Variants in DPP9 observed in about 807,000 individuals in gnomAD.
DPP9 encodes the protein dipeptidyl peptidase IV-related protein-2.
In DPP9, 50 loss-of-function variants were observed where a neutral mutation model predicts 110.7. The ratio of observed to expected loss-of-function variants is 0.45; its 90% confidence interval spans 0.36 to 0.57. The LOEUF is 0.57. Ranked by LOEUF, DPP9 falls within the 20% of genes least tolerant of loss-of-function variation. The pLI, the probability that DPP9 is intolerant of heterozygous loss-of-function variation, is 0.00. For missense variants in DPP9, 1,022 were observed against 1,217.9 expected (o/e 0.84, Z 2.39); for synonymous variants, 561 against 514.4 (o/e 1.09, Z -1.23).
At chr19:4,720,342 T>A (rs2093265140) in intron 2 of DPP9, among the ~76,000 whole-genome samples, 1 of 152,140 alleles carries the variant, frequency 6.6e-6, no homozygotes, top group Admixed American at 6.6e-5. Context: ...CACACTTGCC[T>A]CCTTCTTGTC....
At chr19:4,720,732 A>G (rs576634849) in intron 2 of DPP9, among the ~76,000 whole-genome samples, 1 of 152,328 alleles carries the variant, frequency 6.6e-6, no homozygotes, top group African/African-American at 2.4e-5. Flanking sequence ...AGCACCCCAC[A>G]GTGCCCAGGA....
intron 8 of DPP9, 101 bp downstream of exon 8, chr19:4,702,502 G>A: frequency 1.2e-6 from 1 of 858,990 alleles, no homozygotes; most frequent in Non-Finnish European, 1.9e-6. Context: ...GACTGTGGAG[G>A]TGGTTTGAGG....
chr19:4,690,950 A>G lies in DPP9; in HGVS notation c.1524T>C (p.Phe508=). 6.2e-7 allele frequency: 1 copy of G among 1,612,672 alleles called. No homozygotes were observed. ...SEPFSPGEDE[F]KCPIKEEIAL... is the part of the protein sequence containing the mutation. Reference sequence around the variant, plus strand: ...CAATCTCTTCCTTAATGGGGCACTTAAATTCATCTGGAAAGAAAGAAAGAA... The same window carrying G: ...CAATCTCTTCCTTAATGGGGCACTTGAATTCATCTGGAAAGAAAGAAAGAA... Residue 508 remains phenylalanine, a synonymous_variant, in exon 14 of 22, where the codon TTT becomes TTC. Transcript: ENST00000262960.
rs2092969385 is a variant in DPP9 at position 4,714,220 on chromosome 19, G to A, written c.174C>T (p.His58=). The A allele has an allele frequency of 1.2e-6, 2 of 1,604,050 alleles. No individual in the cohort carries two copies. The highest frequency in any genetic ancestry group is 1.1e-5 in the South Asian group (1 of 89,624). Residue 58 remains histidine, a synonymous_variant, in exon 4 of 22, where the codon CAC becomes CAT. Transcript: ENST00000262960. ...DPAARFQVQK[H]SWDGLRSIIH... The stretch of plus-strand genomic sequence containing the variant: ...TGATGCTCCGGAGCCCGTCCCACGA[G>A]TGCTTCTGCACCTGGAAGCGGGCGG...
chr19:4,676,026 G>A lies in DPP9; in HGVS notation c.*538C>T, dbSNP rs1452970467. The A allele has an allele frequency of 6.5e-6, 1 of 153,554 alleles. No individual in the cohort carries two copies. The highest frequency in any genetic ancestry group is 1.4e-5 in the Non-Finnish European group (1 of 68,980). 9.5% of individuals were successfully genotyped at this position (153,554 alleles called of 1,614,324 possible). A position where few individuals can be genotyped will look rare whatever the true frequency, so the allele number is the denominator to read the frequency against. On this transcript the variant is annotated 3_prime_UTR_variant, in exon 22 of 22. Coordinates refer to ENST00000262960, the MANE Select transcript of DPP9 (RefSeq NM_139159.5). This position sits in a 1 kb window ranked among gnomAD's most constrained non-coding sequence, Gnocchi z 4.0. Reference sequence around the variant, plus strand: ...AACCTCAGGTGATCCGCCCGCCTCAGCCTCCCAAAGTGCTGGGATTACAGA... The same window carrying A: ...AACCTCAGGTGATCCGCCCGCCTCAACCTCCCAAAGTGCTGGGATTACAGA...
At chr19:4,720,008 C>T in intron 2 of DPP9, 67 bp from the exon 3 acceptor site, 2 of 1,260,538 alleles carry the variant, frequency 1.6e-6, no homozygotes, top group Non-Finnish European at 1.1e-6. Flanking sequence ...GGCGCTCCTG[C>T]CCCCTTCGCC....
rs1436726283 is a variant in DPP9, at chr19:4,682,123, C to T, written c.2474+573G>A. ...TCAGCCTCCCAGAGTGCTGGGATTA[C>T]AGGAGTGAGCCACCGCGCCCGGCCC... On this transcript the variant is annotated intron_variant, in intron 20 of 21. Coordinates refer to ENST00000262960, the MANE Select transcript of DPP9 (RefSeq NM_139159.5). The surrounding 1 kb of genome is among the most constrained non-coding windows in gnomAD (Gnocchi z 7.1). Among the ~76,000 whole-genome samples the T allele has an allele frequency of 1.3e-5, 2 of 152,174 alleles. No individual in the cohort carries two copies. Among genetic ancestry groups the T allele is most frequent in the East Asian group, 3.9e-4 (2 of 5,194 alleles).
At chr19:4,720,873 T>C (rs977436420) in intron 2 of DPP9, among the ~76,000 whole-genome samples, 1 of 152,200 alleles carries the variant, frequency 6.6e-6, no homozygotes, top group African/African-American at 2.4e-5. Flanking sequence ...AAACTTCCCA[T>C]GGAACAAGCA....
At chr19:4,680,154 T>A (rs1225107362) in intron 20 of DPP9, among the ~76,000 whole-genome samples, 1 of 151,392 alleles carries the variant, frequency 6.6e-6, no homozygotes, top group Non-Finnish European at 1.5e-5. Context: ...GGAGAACTGC[T>A]TGAGCCTCAG....
chr19:4,716,719 C>A (rs1331826353), intron 3 of DPP9, among the ~76,000 whole-genome samples: 2 of 152,080 alleles, frequency 1.3e-5, no homozygotes, highest in Non-Finnish European at 2.9e-5. Flanking sequence ...CTTGTGACAG[C>A]CCATTCTACA....
Position 4,685,428 on chromosome 19 carries a change from G to A in DPP9, c.2031+198C>T, listed in dbSNP as rs1466680629. 2.9e-6 allele frequency: 2 copies of A among 678,908 alleles called. No individual in the cohort carries two copies. Among genetic ancestry groups the A allele is most frequent in the Non-Finnish European group, 5.3e-6 (2 of 375,368 alleles). The allele number at this position is 678,908 out of a possible 1,614,324, so 42.1% of individuals were successfully genotyped here. A position where few individuals can be genotyped will look rare whatever the true frequency, so the allele number is the denominator to read the frequency against. ...GCCATCCAGGAAGGGCGGGGAGCGT[G>A]CAAACGGGCACAGAGAAAGGAGGGT... On this transcript the variant is annotated intron_variant, in intron 17 of 21. Transcript: ENST00000262960. The surrounding 1 kb of genome is among the most constrained non-coding windows in gnomAD (Gnocchi z 5.8).
Position 4,695,672 on chromosome 19 carries a change from G to A in DPP9, c.1176-117C>T, listed in dbSNP as rs918143731. 6 of 894,004 alleles carry A rather than the reference G, an allele frequency of 6.7e-6. No individual in the cohort carries two copies. The highest frequency in any genetic ancestry group is 9.4e-6 in the Non-Finnish European group (6 of 635,538). 55.4% of individuals were successfully genotyped at this position (894,004 alleles called of 1,614,324 possible). On this transcript the variant is annotated intron_variant, in intron 11 of 21. Transcript: ENST00000262960. This position sits in a 1 kb window ranked among gnomAD's most constrained non-coding sequence, Gnocchi z 4.7. Reference sequence around the variant, plus strand: ...GTGGAATCAGGGCTGGGCTTCCTGCGCTGGCTTCACCTGCACTTGGCCAAG... The same window carrying A: ...GTGGAATCAGGGCTGGGCTTCCTGCACTGGCTTCACCTGCACTTGGCCAAG...
In DPP9 at chr19:4,704,813, A is replaced by G. The variant is rs1210991578; in HGVS notation, c.427-509T>C. On this transcript the variant is annotated intron_variant, in intron 5 of 21. Transcript: ENST00000262960. The surrounding 1 kb of genome is among the most constrained non-coding windows in gnomAD (Gnocchi z 6.0). ...CAGAAATTCGAGACCAGCCTGGCCA[A>G]TATGGTGAAACCCCGTCTCTACTAA... 6.6e-6 allele frequency among the ~76,000 whole-genome samples: 1 copy of G among 152,178 alleles called. No individual in the cohort carries two copies. Among genetic ancestry groups the G allele is most frequent in the East Asian group, 1.9e-4 (1 of 5,198 alleles).
At chr19:4,697,767 C>A (rs2091924675) in intron 10 of DPP9, 116 bp from the exon 11 acceptor site, 2 of 797,392 alleles carry the variant, frequency 2.5e-6, no homozygotes, top group Admixed American at 2.6e-5. Flanking sequence ...GCTGGAGTCT[C>A]AGCCCCCAGA....
At chr19:4,713,181 G>A (rs573248623) in intron 4 of DPP9, among the ~76,000 whole-genome samples, 2 of 152,376 alleles carry the variant, frequency 1.3e-5, no homozygotes, top group African/African-American at 4.8e-5. Context: ...TGGCCCCAAT[G>A]TCCATGGTGC....
chr19:4,690,861 CA>C lies in DPP9; in HGVS notation c.1596+16del. ...ACATGCATGGAGCAGGGGAAGGCTG[CA>C]AGGAGACCCTGGTACCTTGGAGCCG... On this transcript the variant is annotated intron_variant, in intron 14 of 21. Coordinates refer to ENST00000262960, the MANE Select transcript of DPP9 (RefSeq NM_139159.5). The C allele has an allele frequency of 6.2e-7, 1 of 1,607,526 alleles. No homozygotes were observed.
Position 4,694,620 on chromosome 19 carries a change from C to G in DPP9, c.1516+41G>C. On this transcript the variant is annotated intron_variant, in intron 13 of 21. Transcript: ENST00000262960. This position sits in a 1 kb window ranked among gnomAD's most constrained non-coding sequence, Gnocchi z 4.0. ...AAACAGCATATTGAACCACACGTGA[C>G]TAACGCGATGAGTCGACAGCATTCG... 1 of 1,589,606 alleles carries G rather than the reference C, an allele frequency of 6.3e-7. No individual in the cohort carries two copies. The highest frequency in any genetic ancestry group is 8.6e-7 in the Non-Finnish European group (1 of 1,167,048).
chr19:4,682,782 A>G lies in DPP9; in HGVS notation c.2388T>C (p.Thr796=). Residue 796 remains threonine (T), a synonymous_variant, in exon 20 of 22, where the codon ACT becomes ACC. Coordinates refer to ENST00000262960, the MANE Select transcript of DPP9 (RefSeq NM_139159.5). This position sits in a 1 kb window ranked among gnomAD's most constrained non-coding sequence, Gnocchi z 7.1. The stretch of plus-strand genomic sequence containing the variant: ...TCTCAGGGACGTCCATGTAGCGCTC[A>G]GTGTACCCTGTGTCGTAGGCCATCC... ...TVWMAYDTGY[T]ERYMDVPENN... is the part of the protein sequence containing the mutation. 6.2e-7 allele frequency: 1 copy of G among 1,602,440 alleles called. No homozygotes were observed. The highest frequency in any genetic ancestry group is 8.5e-7 in the Non-Finnish European group (1 of 1,174,914).
At chr19:4,714,469 A>C in intron 3 of DPP9, 132 bp from the exon 4 acceptor site, 4 of 1,207,630 alleles carry the variant, frequency 3.3e-6, no homozygotes, top group South Asian at 1.6e-5. Context: ...CACTCCCTAA[A>C]CACTTCTTGG....
Sources: gnomAD v4.1 joint callset for allele counts (sites outside exome capture counted in the v4.1 genomes callset) on GRCh38, gnomAD v4.1.1 for gene constraint, Gnocchi (gnomAD v3.1) non-coding constraint, MANE v1.5 for transcripts, NCBI Gene and HGNC (gene_info 2026-07-23, HGNC 2026-07-21) for gene names.